The following ANTXR1 variants were observed in gnomAD, a reference collection of about 807,000 sequenced individuals.
ANTXR1 encodes ANTXR cell adhesion molecule 1, also known as anthrax toxin receptor 1.
In ANTXR1, 19 loss-of-function variants were observed where a neutral mutation model predicts 78.1. The ratio of observed to expected loss-of-function variants is 0.24; its 90% CI spans 0.17 to 0.36. ANTXR1 has a LOEUF of 0.36. ANTXR1 is among the 10% of genes least tolerant of loss of function. The pLI, the probability that ANTXR1 is intolerant of heterozygous loss-of-function variation, is 1.00. For synonymous variants in ANTXR1, 273 were observed against 260.5 expected (o/e 1.05, Z -0.46); for missense variants, 518 against 718.6 (o/e 0.72, Z 3.19).
At chr2:69,091,974 T>C (rs1463082772) in intron 9 of ANTXR1, among the ~76,000 whole-genome samples, 1 of 152,216 alleles carries the variant, frequency 6.6e-6, no homozygotes, top group Non-Finnish European at 1.5e-5. Flanking sequence ...ATTTGAAAAG[T>C]ATTCTTAAGT....
chr2:69,034,732 G>A (rs2104045723), intron 1 of ANTXR1, among the ~76,000 whole-genome samples: 1 of 152,298 alleles, frequency 6.6e-6, no homozygotes, highest in East Asian at 1.9e-4. Context: ...TTTGGGCTTA[G>A]AAGGTTTTAA....
At chr2:69,145,824 G>A in intron 12 of ANTXR1, 1 of 988,250 alleles carries the variant, frequency 1.0e-6, no homozygotes, top group Non-Finnish European at 1.2e-6. Flanking sequence ...CCCATTATAG[G>A]GCAAACAAGC....
At chr2:69,195,245 T>A (rs1381531092) in intron 17 of ANTXR1, among the ~76,000 whole-genome samples, 1 of 152,202 alleles carries the variant, frequency 6.6e-6, no homozygotes, top group Non-Finnish European at 1.5e-5. Context: ...TACTCTGTGC[T>A]GTTCTGCTGT....
chr2:69,157,974 C>G lies in ANTXR1; in HGVS notation c.1047+5710C>G, dbSNP rs531663478. On this transcript the variant is annotated intron_variant, in intron 13 of 17. Coordinates refer to ENST00000303714, the MANE Select transcript of ANTXR1 (RefSeq NM_032208.3). ...TGAGTAGGGCTTTTCCATCCTGGCC[C>G]CACTTCTCCAGCCTCACCTCTTACC... Among the ~76,000 whole-genome samples the G allele has an allele frequency of 7.2e-5, 11 of 152,328 alleles. No individual in the cohort carries two copies. In the East Asian group the frequency reaches 2.1e-3, roughly 29 times the overall value.
In ANTXR1 at chr2:69,181,901, T is replaced by C; in HGVS notation, c.1185+20T>C. On this transcript the variant is annotated intron_variant, in intron 15 of 17. Coordinates refer to ENST00000303714, the MANE Select transcript of ANTXR1 (RefSeq NM_032208.3). Reference sequence around the variant, plus strand: ...ATGGAGGTAAGAGGACAGCTTCATATACACTTATCTATGTGCTGACTACTC... The same window carrying C: ...ATGGAGGTAAGAGGACAGCTTCATACACACTTATCTATGTGCTGACTACTC... 7 of 1,610,796 alleles carry C rather than the reference T, an allele frequency of 4.3e-6. No individual in the cohort carries two copies. Among genetic ancestry groups the C allele is most frequent in the Non-Finnish European group, 5.1e-6 (6 of 1,177,160 alleles).
intron 17 of ANTXR1, among the ~76,000 whole-genome samples, chr2:69,231,376 G>A (rs1462060642): frequency 6.6e-6 from 1 of 152,002 alleles, no homozygotes; most frequent in Non-Finnish European, 1.5e-5. Context: ...AATGACTAAA[G>A]CACAGATCGG....
At chr2:69,193,476 C>CACACACACACAG (rs1674594256) in intron 17 of ANTXR1, 61 bp downstream of exon 17, 1 of 1,289,412 alleles carries the variant, frequency 7.8e-7, no homozygotes, top group Non-Finnish European at 1.1e-6. Flanking sequence ...CACACACACA[C>CACACACACACAG]ACACACACAC....
At chr2:69,095,414 A>G (rs1474957511) in intron 9 of ANTXR1, among the ~76,000 whole-genome samples, 2 of 152,232 alleles carry the variant, frequency 1.3e-5, no homozygotes, top group Admixed American at 6.5e-5. Context: ...AAAACCACGC[A>G]GTAAGCACTG....
intron 9 of ANTXR1, among the ~76,000 whole-genome samples, chr2:69,095,111 A>G (rs1196931048): frequency 6.6e-6 from 1 of 152,246 alleles, no homozygotes; most frequent in Non-Finnish European, 1.5e-5. Flanking sequence ...AGGCATGTCC[A>G]TAGGCGAAGA....
chr2:69,108,919 A>G (rs1353384407), intron 10 of ANTXR1, among the ~76,000 whole-genome samples: 1 of 152,214 alleles, frequency 6.6e-6, no homozygotes, highest in Non-Finnish European at 1.5e-5. Context: ...ATTTGTAAAG[A>G]CATATATGAT....
rs201497715 is a variant in ANTXR1, at chr2:69,096,257, AAAGGAAGGAAGG to A, written c.703+5359_703+5370del. On this transcript the variant is annotated intron_variant, in intron 9 of 17. Transcript: ENST00000303714. ...TGGGCAACAGAGCGAGACTCCGTCA[AAAGGAAGGAAGG>A]AAGGAAGGAAGGAAGGAAGGGAGGA... 1.8e-4 allele frequency among the ~76,000 whole-genome samples: 9 copies of A among 50,236 alleles called. 1 individual carries two copies. The East Asian group carries it at 2.1e-3, about 12-fold the overall frequency. The allele number at this position is 50,236 out of a possible 152,430, so 33.0% of individuals were successfully genotyped here.
chr2:69,212,474 G>A (rs1245050120), intron 17 of ANTXR1, among the ~76,000 whole-genome samples: 1 of 152,220 alleles, frequency 6.6e-6, no homozygotes, highest in Non-Finnish European at 1.5e-5. Context: ...CCATTCATAA[G>A]GTGTCAGCTC....
At position 69,093,543 on chromosome 2, in the gene ANTXR1, T is replaced by C. The variant is rs929966105; in HGVS notation, c.703+2624T>C. Among the ~76,000 whole-genome samples the C allele has an allele frequency of 2.0e-5, 3 of 152,144 alleles. No homozygotes were observed. The South Asian group carries it at 6.2e-4, about 32-fold the overall frequency. On this transcript the variant is annotated intron_variant, in intron 9 of 17. Transcript: ENST00000303714. The stretch of plus-strand genomic sequence containing the variant: ...ACAGGATCTGATCATATCAAATTCA[T>C]AGATTTCAATGTTTCTCATCAAGTG...
At chr2:69,077,643 C>T (rs562001422) in intron 8 of ANTXR1, among the ~76,000 whole-genome samples, 155 bp downstream of exon 8, 8 of 152,336 alleles carry the variant, frequency 5.3e-5, no homozygotes, top group African/African-American at 1.7e-4. Flanking sequence ...CGTCCCATCT[C>T]TCCCTTCTGC....
intron 12 of ANTXR1, among the ~76,000 whole-genome samples, chr2:69,139,982 C>T (rs1172878978): frequency 6.6e-6 from 1 of 152,214 alleles, no homozygotes; most frequent in Non-Finnish European, 1.5e-5. Flanking sequence ...ACTCCAAGTA[C>T]TAACAAGCTA....
chr2:69,092,685 C>G (rs1467183973), intron 9 of ANTXR1, among the ~76,000 whole-genome samples: 1 of 152,240 alleles, frequency 6.6e-6, no homozygotes, highest in African/African-American at 2.4e-5. Flanking sequence ...GAAATCTTAC[C>G]TAGGCAAATT....
chr2:69,179,349 C>G (rs115701583), intron 14 of ANTXR1, among the ~76,000 whole-genome samples: 2 of 151,936 alleles, frequency 1.3e-5, no homozygotes, highest in African/African-American at 4.8e-5. Flanking sequence ...GAGTTTGTGA[C>G]CGGCCTGGGC....
chr2:69,045,313 G>A (rs898887314), intron 3 of ANTXR1, among the ~76,000 whole-genome samples: 2 of 152,140 alleles, frequency 1.3e-5, no homozygotes, highest in Non-Finnish European at 2.9e-5. Context: ...GAATGTTGTT[G>A]ATACAAAGAA....
At chr2:69,190,208 A>C (rs1401294373) in intron 16 of ANTXR1, among the ~76,000 whole-genome samples, 1 of 152,226 alleles carries the variant, frequency 6.6e-6, no homozygotes, top group Admixed American at 6.5e-5. Context: ...GGCCCAGCAC[A>C]GCGGATCTCC....
Sources: allele counts gnomAD v4.1 joint callset (sites outside exome capture counted in the v4.1 genomes callset), GRCh38; gene constraint gnomAD v4.1.1; transcripts MANE v1.5; gene names NCBI Gene and HGNC (gene_info 2026-07-23, HGNC 2026-07-21).